Variants in TNK2 observed in about 807,000 individuals in gnomAD.
The protein encoded by TNK2 is activated CDC42 kinase 1.
A neutral mutation model predicts 101.8 loss-of-function variants in TNK2; 83 were observed. The ratio of observed to expected loss-of-function variants is 0.82; its 90% confidence interval spans 0.68 to 0.98. The LOEUF (loss-of-function observed/expected upper bound fraction) is 0.98. TNK2 is among the 50% of genes least tolerant of loss of function. The pLI, the probability that TNK2 is intolerant of heterozygous loss-of-function variation, is 0.00. For synonymous variants in TNK2, 804 were observed against 633.0 expected, an observed-to-expected ratio of 1.27 and a Z score of -4.06; for missense variants, 1,665 against 1,483.2, an observed-to-expected ratio of 1.12 and a Z score of -2.01.
rs34730376 is a variant in TNK2 at position 195,877,071 on chromosome 3, A to AC, written c.1256+1181dup. Among the ~76,000 whole-genome samples the AC allele has an allele frequency of 1.1e-3, 159 of 150,728 alleles. 4 individuals are homozygous for AC. In the East Asian group the frequency reaches 0.02, roughly 19 times the overall value. ...AGGCCCTGCCAGGTACTTCCAGGGG[A>AC]CCCCCCCACCCTTAATCTTCCTATT... On this transcript the variant is annotated intron_variant, in intron 9 of 15. Transcript: ENST00000672887.
intron 15 of TNK2, among the ~76,000 whole-genome samples, chr3:195,865,411 C>A (rs3893768): frequency 6.8e-6 from 1 of 146,702 alleles, no homozygotes. Context: ...GCCTGCGTCC[C>A]GGGTGCAAAT....
At position 195,869,018 on chromosome 3, in the gene TNK2, C is replaced by T. The variant is rs986810575; in HGVS notation, c.1589-309G>A. ...TGCCTCCACCAGCACAAGACCCCGG[C>T]GGCCCTGCTCCTGCGCCCTGGCGAG... On this transcript the variant is annotated intron_variant, in intron 12 of 15. Transcript: ENST00000672887. The T allele has an allele frequency of 1.0e-4, 49 of 475,976 alleles. 1 individual carries two copies. In the South Asian group the frequency reaches 1.2e-3, roughly 11 times the overall value. 29.5% of individuals were successfully genotyped at this position (475,976 alleles called of 1,614,324 possible). A position where few individuals can be genotyped will look rare whatever the true frequency, so the allele number is the denominator to read the frequency against.
intron 2 of TNK2, among the ~76,000 whole-genome samples, chr3:195,887,905 T>TAC (rs751640709): frequency 7.9e-6 from 1 of 126,150 alleles, no homozygotes; most frequent in Non-Finnish European, 1.5e-5. Context: ...CATGCGTGTG[T>TAC]GCACGTGCAT....
intron 1 of TNK2, among the ~76,000 whole-genome samples, chr3:195,903,660 T>TGA (rs1481020111): frequency 6.6e-6 from 1 of 152,064 alleles, no homozygotes; most frequent in African/African-American, 2.4e-5. Flanking sequence ...GAGGTTGCAG[T>TGA]GTGCCAAGAT....
Position 195,886,842 on chromosome 3 carries a change from G to A in TNK2, c.234+135C>T. ...CTGCCCGATAAGACCCTGGACGAGG[G>A]GGTCCTGTACAAAGTGCCGGCAGAA... On this transcript the variant is annotated intron_variant, in intron 3 of 15. Coordinates refer to ENST00000672887, the MANE Select transcript of TNK2 (RefSeq NM_001382273.1). The surrounding 1 kb of genome is among the most constrained non-coding windows in gnomAD (Gnocchi z 4.2). The A allele has an allele frequency of 1.1e-6, 1 of 927,034 alleles. No homozygotes were observed. Among genetic ancestry groups the A allele is most frequent in the Non-Finnish European group, 1.8e-6 (1 of 566,264 alleles). 57.4% of individuals were successfully genotyped at this position (927,034 alleles called of 1,614,324 possible).
At chr3:195,874,497 G>A (rs1172280383) in intron 9 of TNK2, among the ~76,000 whole-genome samples, 2 of 151,354 alleles carry the variant, frequency 1.3e-5, no homozygotes, top group Non-Finnish European at 1.5e-5. Flanking sequence ...AGCTCCCCTC[G>A]GGATGGCGCC....
At chr3:195,872,790 G>C (rs921293953) in intron 9 of TNK2, 9 of 302,530 alleles carry the variant, frequency 3.0e-5, no homozygotes, top group Admixed American at 4.8e-5. Context: ...GATCCCAGCA[G>C]ACCTGGGACC....
intron 9 of TNK2, among the ~76,000 whole-genome samples, chr3:195,873,208 C>G (rs1746651900): frequency 6.6e-6 from 1 of 152,212 alleles, no homozygotes; most frequent in African/African-American, 2.4e-5. Flanking sequence ...GTAGGGCTGC[C>G]AGTCCCCCTC....
Position 195,885,615 on chromosome 3 carries a change from T to C in TNK2, c.235-582A>G. On this transcript the variant is annotated intron_variant, in intron 3 of 15. Coordinates refer to ENST00000672887, the MANE Select transcript of TNK2 (RefSeq NM_001382273.1). This position sits in a 1 kb window ranked among gnomAD's most constrained non-coding sequence, Gnocchi z 4.7. ...GTGTGTGTGGTTCAGATGAAGCTAGTCCTTGCTGGGAAGGGGCCTGGGAAG... is the reference window on the plus strand; with the variant it reads ...GTGTGTGTGGTTCAGATGAAGCTAGCCCTTGCTGGGAAGGGGCCTGGGAAG... 7.8e-7 allele frequency: 1 copy of C among 1,287,102 alleles called. No homozygotes were observed. The allele number at this position is 1,287,102 out of a possible 1,614,324, so 79.7% of individuals were successfully genotyped here.
At chr3:195,876,666 G>A (rs1037481652) in intron 9 of TNK2, 4 of 455,204 alleles carry the variant, frequency 8.8e-6, no homozygotes, top group Non-Finnish European at 1.8e-5. Flanking sequence ...GCCAGGGCTG[G>A]TGGCCCAGGG....
intron 15 of TNK2, 144 bp downstream of exon 15, chr3:195,866,745 G>T: frequency 1.6e-6 from 2 of 1,234,234 alleles, no homozygotes; most frequent in Non-Finnish European, 2.2e-6. Context: ...GCTGGGCCCT[G>T]TGAGCGCCTC....
chr3:195,905,195 T>C (rs985585297), intron 1 of TNK2, among the ~76,000 whole-genome samples: 5 of 152,000 alleles, frequency 3.3e-5, no homozygotes, highest in East Asian at 1.9e-4. Context: ...ACACAAACAA[T>C]TGATTTTTTT....
At position 195,882,156 on chromosome 3, in the gene TNK2, G is replaced by A. The variant is rs763245790; in HGVS notation, c.782C>T (p.Ala261Val). Residue 261 changes from alanine (A) to valine (V), a missense_variant, in exon 6 of 16, where the codon GCT (alanine) becomes GTT (valine). Transcript: ENST00000672887. The surrounding 1 kb of genome is among the most constrained non-coding windows in gnomAD (Gnocchi z 4.2). ...CCCGATCTTGACCAGGTCGCGGGTA[G>A]CCAACAGCAGATTGCGGGCAGCCAG... ...RDLAARNLLLATRDLVKIGDF... is the reference protein window; with the variant it reads ...RDLAARNLLLVTRDLVKIGDF... 6.2e-7 allele frequency: 1 copy of A among 1,613,908 alleles called. No homozygotes were observed. The highest frequency in any genetic ancestry group is 8.5e-7 in the Non-Finnish European group (1 of 1,180,032).
At position 195,867,001 on chromosome 3, in the gene TNK2, C is replaced by G. The variant is rs762513209; in HGVS notation, c.3049G>C (p.Gly1017Arg). The change falls in exon 15 of 16, where the codon GGG becomes CGG. Residue 1017 changes from glycine to arginine, a missense_variant. Transcript: ENST00000672887. ...AQYLKVEQLF[G>R]LGLRPRGECH... is the part of the protein sequence containing the mutation. ...TCCCCTCTGGGCCGCAGACCCAGCC[C>G]GAAGAGCTGCTCCACCTGGGGGTAA... 2 of 1,613,080 alleles carry G rather than the reference C, an allele frequency of 1.2e-6. No homozygotes were observed. Among genetic ancestry groups the G allele is most frequent in the African/African-American group, 1.3e-5 (1 of 74,938 alleles).
At chr3:195,892,031 C>G in intron 1 of TNK2, 1 of 1,035,292 alleles carries the variant, frequency 9.7e-7, no homozygotes, top group Non-Finnish European at 1.2e-6. Context: ...CGGTCAGGGT[C>G]TCAGTCCAGG....
chr3:195,886,565 C>T lies in TNK2; in HGVS notation c.234+412G>A, dbSNP rs1030530769. On this transcript the variant is annotated intron_variant, in intron 3 of 15. Transcript: ENST00000672887. This position sits in a 1 kb window ranked among gnomAD's most constrained non-coding sequence, Gnocchi z 4.2. The stretch of plus-strand genomic sequence containing the variant: ...CAGCAGGGACAGATGACCAGAGAAA[C>T]CCAGAGATTAGAGAGGGTCAGGGAG... Among the ~76,000 whole-genome samples the T allele has an allele frequency of 6.6e-6, 1 of 152,024 alleles. No individual in the cohort carries two copies. Among genetic ancestry groups the T allele is most frequent in the Non-Finnish European group, 1.5e-5 (1 of 68,004 alleles).
intron 1 of TNK2, chr3:195,892,286 C>A: frequency 1.0e-6 from 1 of 999,472 alleles, no homozygotes; most frequent in Non-Finnish European, 1.4e-6. Flanking sequence ...GCCCGGACTC[C>A]CCGTCAAGCC....
chr3:195,892,689 C>T, intron 1 of TNK2: 3 of 1,397,526 alleles, frequency 2.1e-6, no homozygotes, highest in Non-Finnish European at 2.8e-6. Context: ...GAGCTTTCCT[C>T]ACGCTGGCTG....
At position 195,885,670 on chromosome 3, in the gene TNK2, G is replaced by T; in HGVS notation, c.235-637C>A. ...CTGGGTCTCTGGAGGGGCGCCTAGA[G>T]CTGAGGGCTGAGACGGAAGGAAAAG... On this transcript the variant is annotated intron_variant, in intron 3 of 15. Coordinates refer to ENST00000672887, the MANE Select transcript of TNK2 (RefSeq NM_001382273.1). This position sits in a 1 kb window ranked among gnomAD's most constrained non-coding sequence, Gnocchi z 4.7. The T allele has an allele frequency of 9.7e-7, 1 of 1,028,486 alleles. No homozygotes were observed. Among genetic ancestry groups the T allele is most frequent in the Non-Finnish European group, 1.3e-6 (1 of 756,004 alleles). The allele number at this position is 1,028,486 out of a possible 1,614,324, so 63.7% of individuals were successfully genotyped here.
Sources: gnomAD v4.1 joint callset for allele counts (sites outside exome capture counted in the v4.1 genomes callset) on GRCh38, gnomAD v4.1.1 for gene constraint, Gnocchi (gnomAD v3.1) non-coding constraint, MANE v1.5 for transcripts, NCBI Gene and HGNC (gene_info 2026-07-23, HGNC 2026-07-21) for gene names.